The following FCHO2 variants were observed in gnomAD, a reference collection of about 807,000 sequenced individuals.
The protein encoded by FCHO2 is F-BAR domain only protein 2.
Under a neutral mutation model 114.1 loss-of-function variants are expected in FCHO2, and 43 were observed. The observed-to-expected ratio is 0.38, with a 90% confidence interval of 0.30 to 0.49. The LOEUF (loss-of-function observed/expected upper bound fraction) is 0.49, where lower values mean the gene tolerates loss of function less well. FCHO2 is among the 20% of genes least tolerant of loss of function. The pLI is 0.97. For synonymous variants in FCHO2, 293 were observed against 315.2 expected, an observed-to-expected ratio of 0.93 and a Z score of 0.75; for missense variants, 807 against 950.4, an observed-to-expected ratio of 0.85 and a Z score of 1.98.
chr5:73,047,169 G>A (rs1757098978), intron 11 of FCHO2, among the ~76,000 whole-genome samples: 4 of 152,118 alleles, frequency 2.6e-5, no homozygotes, highest in Admixed American at 2.6e-4. Context: ...GTTTGTGCAT[G>A]TGTTTATATG....
intron 1 of FCHO2, among the ~76,000 whole-genome samples, chr5:72,963,845 C>T (rs1294626771): frequency 6.6e-6 from 1 of 151,128 alleles, no homozygotes; most frequent in Non-Finnish European, 1.5e-5. Flanking sequence ...GCCACCACAC[C>T]TGGCCAGATA....
Position 72,989,458 on chromosome 5 carries a change from A to G in FCHO2, c.157A>G (p.Met53Val), listed in dbSNP as rs747962037. The stretch of plus-strand genomic sequence containing the variant: ...CATAGAGGAGGCATACTCCAGGTCA[A>G]TGACAAAACTAGCAAAATCTGCAAG... Reference protein sequence around the residue: ...ATIEEAYSRSMTKLAKSASNY... With the variant: ...ATIEEAYSRSVTKLAKSASNY... Residue 53 changes from methionine to valine, a missense_variant, in exon 3 of 26, where the codon ATG becomes GTG. By Grantham distance (21) the Met-to-Val change is conservative. Coordinates refer to ENST00000430046, the MANE Select transcript of FCHO2 (RefSeq NM_138782.3). 5 of 1,607,542 alleles carry G rather than the reference A, an allele frequency of 3.1e-6. No homozygotes were observed. The highest frequency in any genetic ancestry group is 4.2e-6 in the Non-Finnish European group (5 of 1,176,734).
chr5:73,078,131 A>G, intron 21 of FCHO2, 49 bp from the exon 22 acceptor site: 1 of 1,383,734 alleles, frequency 7.2e-7, no homozygotes, highest in Non-Finnish European at 9.5e-7. Context: ...CAGAGGCAAA[A>G]CATAAAGATA....
chr5:73,024,563 C>G (rs1025530522), intron 8 of FCHO2, among the ~76,000 whole-genome samples: 1 of 152,016 alleles, frequency 6.6e-6, no homozygotes, highest in Non-Finnish European at 1.5e-5. Flanking sequence ...CTCAGCCTCC[C>G]GAGTAGCTGG....
chr5:72,976,987 G>A (rs1035028031), intron 2 of FCHO2, among the ~76,000 whole-genome samples: 6 of 152,076 alleles, frequency 3.9e-5, no homozygotes, highest in African/African-American at 1.4e-4. Flanking sequence ...TAGATTCCAT[G>A]GTGTATATGT....
chr5:73,077,548 T>G, intron 21 of FCHO2, 55 bp downstream of exon 21: 1 of 1,525,140 alleles, frequency 6.6e-7, no homozygotes, highest in South Asian at 1.3e-5. Flanking sequence ...TTTTCTTTCC[T>G]GCTGTGCACA....
rs938959377 is a variant in FCHO2, at chr5:73,052,471, A to G, written c.1137A>G (p.Val379=). ...HTMASLDELK[V]SIGNITLSPA... ...TGGCTTCTTTGGATGAATTAAAAGT[A>G]TCTATAGGGAATATAACACTCTCCC... Residue 379 remains valine (V), a synonymous_variant, in exon 13 of 26, where the codon GTA becomes GTG. Transcript: ENST00000430046. The G allele has an allele frequency of 6.9e-6, 11 of 1,596,306 alleles. No homozygotes were observed. The highest frequency in any genetic ancestry group is 8.5e-6 in the Non-Finnish European group (10 of 1,170,712).
intron 8 of FCHO2, among the ~76,000 whole-genome samples, chr5:73,022,704 C>G (rs1456381095): frequency 1.3e-5 from 2 of 152,192 alleles, no homozygotes; most frequent in Non-Finnish European, 2.9e-5. Context: ...TTGCGAATGT[C>G]AGAAAGCCAT....
chr5:73,010,630 A>G (rs1754955123), intron 6 of FCHO2, among the ~76,000 whole-genome samples: 1 of 151,964 alleles, frequency 6.6e-6, no homozygotes, highest in African/African-American at 2.4e-5. Context: ...TAATCCCAGC[A>G]CTTTTGGAGG....
At chr5:73,021,734 T>C (rs563379653) in intron 8 of FCHO2, among the ~76,000 whole-genome samples, 1 of 152,342 alleles carries the variant, frequency 6.6e-6, no homozygotes, top group South Asian at 2.1e-4. Context: ...TCATCTATTT[T>C]CTCTATTTGT....
At chr5:73,054,931 T>A (rs975413449) in intron 15 of FCHO2, 1 of 169,616 alleles carries the variant, frequency 5.9e-6, no homozygotes, top group Admixed American at 6.0e-5. Context: ...CTATTATAAT[T>A]TAATTATACT....
intron 2 of FCHO2, among the ~76,000 whole-genome samples, chr5:72,972,838 T>G (rs1482548368): frequency 6.6e-6 from 1 of 152,180 alleles, no homozygotes; most frequent in Non-Finnish European, 1.5e-5. Context: ...GGCTGTGGGT[T>G]TGTCATAGAT....
chr5:72,968,370 A>G, intron 1 of FCHO2, 128 bp from the exon 2 acceptor site: 1 of 593,804 alleles, frequency 1.7e-6, no homozygotes, highest in Non-Finnish European at 2.8e-6. Flanking sequence ...TCATACAATA[A>G]ATGAGAAAAA....
chr5:73,082,071 A>G, intron 23 of FCHO2, 89 bp downstream of exon 23: 2 of 1,272,694 alleles, frequency 1.6e-6, no homozygotes, highest in Non-Finnish European at 2.1e-6. Context: ...TTTTCTTAGA[A>G]GTTTGAAAAA....
rs901710072 is a variant in FCHO2, at chr5:73,051,492, C to G, written c.997+86C>G. 4.4e-5 allele frequency: 32 copies of G among 734,118 alleles called. No individual in the cohort carries two copies. In the East Asian group the frequency reaches 9.5e-4, roughly 22 times the overall value. The allele number at this position is 734,118 out of a possible 1,614,324, so 45.5% of individuals were successfully genotyped here. On this transcript the variant is annotated intron_variant, in intron 12 of 25. Coordinates refer to ENST00000430046, the MANE Select transcript of FCHO2 (RefSeq NM_138782.3). ...AGAAAATCATGTATTAAAGCCTCTT[C>G]CAATTTTTTATTAATTATAAAATAT...
chr5:73,030,604 A>G (rs1756185664), intron 8 of FCHO2, among the ~76,000 whole-genome samples: 1 of 152,234 alleles, frequency 6.6e-6, no homozygotes, highest in Non-Finnish European at 1.5e-5. Flanking sequence ...CAGTGGCCAC[A>G]GAGTCTACTA....
At chr5:73,051,565 GT>G (rs199802706) in intron 12 of FCHO2, among the ~76,000 whole-genome samples, 159 bp downstream of exon 12, 7 of 150,932 alleles carry the variant, frequency 4.6e-5, no homozygotes, top group African/African-American at 1.7e-4. Flanking sequence ...GTTGTTTTTT[GT>G]TTTTTTTGGG....
At chr5:73,019,813 A>G (rs867456499) in intron 8 of FCHO2, among the ~76,000 whole-genome samples, 3 of 152,182 alleles carry the variant, frequency 2.0e-5, no homozygotes, top group South Asian at 4.1e-4. Context: ...GGTGTCCCCA[A>G]ACTAAACAAA....
intron 8 of FCHO2, among the ~76,000 whole-genome samples, chr5:73,029,187 GGAGTT>G (rs1208103934): frequency 6.6e-6 from 1 of 152,140 alleles, no homozygotes; most frequent in Non-Finnish European, 1.5e-5. Flanking sequence ...TGTTTAAAAA[GGAGTT>G]GGGAAGAATC....
Sources: gnomAD v4.1 joint callset for allele counts (sites outside exome capture counted in the v4.1 genomes callset) on GRCh38, gnomAD v4.1.1 for gene constraint, MANE v1.5 for transcripts, NCBI Gene and HGNC (gene_info 2026-07-23, HGNC 2026-07-21) for gene names.